Variants in NF1 observed in about 807,000 individuals in gnomAD.
NF1 encodes neurofibromin 1.
Under a neutral mutation model 325.7 loss-of-function variants are expected in NF1, and 122 were observed. The ratio of observed to expected loss-of-function variants is 0.37; its 90% CI spans 0.32 to 0.44. The LOEUF (loss-of-function observed/expected upper bound fraction) is 0.44, where lower values mean the gene tolerates loss of function less well. Among genes scored for constraint, NF1 ranks in the 20% least tolerant of loss-of-function variants. The pLI, the probability that NF1 is intolerant of heterozygous loss-of-function variation, is 1.00. For synonymous variants in NF1, 1,091 were observed against 1,186.0 expected (o/e 0.92, Z 1.65); for missense variants, 2,140 against 3,415.4 (o/e 0.63, Z 9.31).
At chr17:31,241,079 C>T (rs1011631631) in intron 29 of NF1, among the ~76,000 whole-genome samples, 2 of 151,970 alleles carry the variant, frequency 1.3e-5, no homozygotes, top group African/African-American at 2.4e-5. Flanking sequence ...GGTTTCACCA[C>T]GTTGGTCAGG....
chr17:31,132,860 T>G (rs1478753300), intron 1 of NF1, among the ~76,000 whole-genome samples: 1 of 151,920 alleles, frequency 6.6e-6, no homozygotes, highest in East Asian at 1.9e-4. Flanking sequence ...AGAGATGGGA[T>G]TTCACCATTT....
intron 36 of NF1, among the ~76,000 whole-genome samples, chr17:31,275,858 T>C (rs1391659530): frequency 1.3e-5 from 2 of 152,188 alleles, no homozygotes; most frequent in African/African-American, 2.4e-5. Context: ...CCACCTCTTA[T>C]TCCTTCTATT....
intron 1 of NF1, among the ~76,000 whole-genome samples, chr17:31,117,872 A>T (rs999940909): frequency 7.9e-5 from 12 of 152,016 alleles, no homozygotes; most frequent in African/African-American, 2.9e-4. Context: ...CCAAATCATG[A>T]TATGTATTTT....
At chr17:31,186,342 C>G (rs2066238994) in intron 8 of NF1, among the ~76,000 whole-genome samples, 1 of 152,190 alleles carries the variant, frequency 6.6e-6, no homozygotes, top group African/African-American at 2.4e-5. Flanking sequence ...CAGGCACCAC[C>G]TGAAAGTGGA....
rs767860040 is a variant in NF1 at position 31,357,286 on chromosome 17, T to C, written c.7887T>C (p.Tyr2629=). Residue 2629 remains tyrosine, a synonymous_variant, in exon 54 of 58, where the codon TAT becomes TAC. Transcript: ENST00000358273. ...LLTVLATLVK[Y]TTDEFDQRIL... is the part of the protein sequence containing the mutation. ...CTTGGCAGGCTACACTGGTAAAATATACCACAGATGAGTTTGATCAACGAA... is the reference window on the plus strand; with the variant it reads ...CTTGGCAGGCTACACTGGTAAAATACACCACAGATGAGTTTGATCAACGAA... 4 of 1,613,888 alleles carry C rather than the reference T, an allele frequency of 2.5e-6. No homozygotes were observed. Among genetic ancestry groups the C allele is most frequent in the Admixed American group, 1.7e-5 (1 of 59,998 alleles).
Position 31,155,989 on chromosome 17 carries a change from A to G in NF1, c.67A>G (p.Ile23Val), listed in dbSNP as rs542824372. The G allele has an allele frequency of 3.7e-6, 6 of 1,612,904 alleles. No homozygotes were observed. The Admixed American group carries it at 6.7e-5, about 18-fold the overall frequency. Residue 23 changes from isoleucine (I) to valine (V), a missense_variant, in exon 2 of 58, where the codon ATA becomes GTA. This residue lies in a region of NF1 where 246 missense variants were observed against 347.8 expected (regional missense o/e 0.71). Coordinates refer to ENST00000358273, the MANE Select transcript of NF1 (RefSeq NM_001042492.3). ...TTTTTTCTTTTTTTTTCAGCTTCCA[A>G]TAAAAACAGGACAGCAGAACACACA... is the stretch of plus-strand genomic sequence containing the variant. ...VVSRFDEQLPIKTGQQNTHTK... is the reference protein window; with the variant it reads ...VVSRFDEQLPVKTGQQNTHTK...
chr17:31,176,285 T>A (rs1286713551), intron 5 of NF1, among the ~76,000 whole-genome samples: 2 of 152,088 alleles, frequency 1.3e-5, no homozygotes, highest in African/African-American at 2.4e-5. Context: ...GATAATGAGC[T>A]TTTCTTTATA....
chr17:31,357,757 A>T, intron 54 of NF1: 1 of 269,290 alleles, frequency 3.7e-6, no homozygotes, highest in South Asian at 4.3e-5. Context: ...TTAGGAGGTG[A>T]ATTGTTTACT....
intron 1 of NF1, among the ~76,000 whole-genome samples, chr17:31,152,106 T>G (rs1916987015): frequency 6.6e-6 from 1 of 152,126 alleles, no homozygotes; most frequent in Non-Finnish European, 1.5e-5. Context: ...TTTAAATATC[T>G]TAAATTTATT....
rs150389614 is a variant in NF1, at chr17:31,177,228, C to G, written c.587-4194C>G. Among the ~76,000 whole-genome samples the G allele has an allele frequency of 3.6e-3, 545 of 152,250 alleles. 6 individuals are homozygous for G. Among genetic ancestry groups the G allele is most frequent in the African/African-American group, 0.012 (518 of 41,532 alleles). ...CAAAGCTTCCAGAGGTAGGAACACG[C>G]AGCAATCTTTGTTGTTCCGCAGCCT... is the stretch of plus-strand genomic sequence containing the variant. On this transcript the variant is annotated intron_variant, in intron 5 of 57. Coordinates refer to ENST00000358273, the MANE Select transcript of NF1 (RefSeq NM_001042492.3).
At chr17:31,314,321 GAAAATT>G (rs2068965841) in intron 36 of NF1, 1 of 233,266 alleles carries the variant, frequency 4.3e-6, no homozygotes, top group African/African-American at 2.2e-5. Context: ...GTCCCGAAGA[GAAAATT>G]ACATGTTCTA....
Position 31,181,409 on chromosome 17 carries a change from G to A in NF1, c.587-13G>A, listed in dbSNP as rs1040272156. 22 of 1,611,150 alleles carry A rather than the reference G, an allele frequency of 1.4e-5. No homozygotes were observed. Among genetic ancestry groups the A allele is most frequent in the Non-Finnish European group, 1.6e-5 (19 of 1,178,074 alleles). ...ATTCTAGAGTTAATTTTTAAAAATTGTGTTTTTTCCAGAAACAGCATTTAA... is the reference window on the plus strand; with the variant it reads ...ATTCTAGAGTTAATTTTTAAAAATTATGTTTTTTCCAGAAACAGCATTTAA... On this transcript the variant is annotated splice_polypyrimidine_tract_variant and intron_variant, in intron 5 of 57. Transcript: ENST00000358273.
chr17:31,288,524 T>G lies in NF1; in HGVS notation c.4835+23185T>G, dbSNP rs868556000. Among the ~76,000 whole-genome samples the G allele has an allele frequency of 5.4e-4, 25 of 46,474 alleles. 1 individual carries two copies. The African/African-American group carries it at 0.013, about 24-fold the overall frequency. 30.5% of individuals were successfully genotyped at this position (46,474 alleles called of 152,430 possible). On this transcript the variant is annotated intron_variant, in intron 36 of 57. Coordinates refer to ENST00000358273, the MANE Select transcript of NF1 (RefSeq NM_001042492.3). ...CCAGAACTAGTTTTTTTTGCTTTGT[T>G]TTTTTTTTTTTTTTTTTTTTTTGGA...
intron 29 of NF1, among the ~76,000 whole-genome samples, chr17:31,245,033 G>A (rs1008845990): frequency 6.6e-6 from 1 of 152,150 alleles, no homozygotes; most frequent in African/African-American, 2.4e-5. Flanking sequence ...ATTGGCATGT[G>A]GGAAGCAAGA....
intron 47 of NF1, among the ~76,000 whole-genome samples, chr17:31,341,595 G>GT (rs1491379051): frequency 9.0e-5 from 4 of 44,268 alleles, no homozygotes; most frequent in African/African-American, 2.3e-4. Context: ...TATATATAAA[G>GT]TGTGTGTGTG....
intron 1 of NF1, among the ~76,000 whole-genome samples, chr17:31,144,974 G>A (rs1916488137): frequency 6.6e-6 from 1 of 152,172 alleles, no homozygotes; most frequent in Non-Finnish European, 1.5e-5. Context: ...AATAAATTCA[G>A]AGTTCTTAAA....
intron 36 of NF1, chr17:31,321,770 G>A (rs2069200539): frequency 6.6e-6 from 1 of 151,612 alleles, no homozygotes; most frequent in Non-Finnish European, 1.5e-5. Flanking sequence ...TGGCATGACA[G>A]GAGGCTTTGT....
intron 8 of NF1, among the ~76,000 whole-genome samples, chr17:31,189,530 T>G (rs1260359473): frequency 6.6e-6 from 1 of 152,174 alleles, no homozygotes; most frequent in Non-Finnish European, 1.5e-5. Flanking sequence ...AATCACTCCC[T>G]GTTCCTCTCG....
chr17:31,144,397 CCT>C (rs1916444827), intron 1 of NF1, among the ~76,000 whole-genome samples: 1 of 152,068 alleles, frequency 6.6e-6, no homozygotes, highest in Admixed American at 6.6e-5. Context: ...GCCTTTTTCC[CCT>C]GTCTTTTGGT....
Sources: allele counts gnomAD v4.1 joint callset (sites outside exome capture counted in the v4.1 genomes callset), GRCh38; gene constraint gnomAD v4.1.1; regional missense constraint gnomAD v4.1.1; transcripts MANE v1.5; gene names NCBI Gene and HGNC (gene_info 2026-07-23, HGNC 2026-07-21).